Variants in RABGAP1L observed in about 807,000 individuals in gnomAD.
RABGAP1L encodes the protein RAB GTPase activating protein 1 like.
In RABGAP1L, 63 loss-of-function variants were observed where a neutral mutation model predicts 137.7. The ratio of observed to expected loss-of-function variants is 0.46; its 90% CI spans 0.37 to 0.56. RABGAP1L has a LOEUF of 0.56. RABGAP1L is among the 20% of genes least tolerant of loss of function. RABGAP1L has a pLI of 0.00. For missense variants in RABGAP1L, 1,095 were observed against 1,244.0 expected (o/e 0.88, Z 1.80); for synonymous variants, 431 against 433.7 (o/e 0.99, Z 0.08).
intron 12 of RABGAP1L, among the ~76,000 whole-genome samples, chr1:174,377,759 C>CT (rs1553287117): frequency 4.0e-4 from 57 of 141,842 alleles, no homozygotes; most frequent in Middle Eastern, 3.6e-3. Context: ...AACTGCAACT[C>CT]TTTTTTTTTT....
In RABGAP1L at chr1:174,781,071, T is replaced by C. The variant is rs943442066; in HGVS notation, c.2211+28717T>C. On this transcript the variant is annotated intron_variant, in intron 18 of 25. Coordinates refer to ENST00000681986, the MANE Select transcript of RABGAP1L (RefSeq NM_001366446.1). ...TTATAGCAGCATGATTTATATTCCTTTGGGTATATACCCAGTAATGGGATG... is the reference window on the plus strand; with the variant it reads ...TTATAGCAGCATGATTTATATTCCTCTGGGTATATACCCAGTAATGGGATG... 2.6e-4 allele frequency among the ~76,000 whole-genome samples: 39 copies of C among 152,170 alleles called. 2 individuals are homozygous for C. Among genetic ancestry groups the C allele is most frequent in the Non-Finnish European group, 1.0e-4 (7 of 68,042 alleles).
intron 13 of RABGAP1L, among the ~76,000 whole-genome samples, chr1:174,422,681 C>A (rs1056324816): frequency 6.6e-6 from 1 of 151,920 alleles, no homozygotes; most frequent in Non-Finnish European, 1.5e-5. Context: ...TAGCTGAGCA[C>A]GGTGGCCTGT....
intron 16 of RABGAP1L, chr1:174,700,720 A>G (rs1487777354): frequency 6.0e-6 from 1 of 167,028 alleles, no homozygotes; most frequent in East Asian, 1.7e-4. Flanking sequence ...GGCATTAAGG[A>G]GGAAAAAGAC....
intron 19 of RABGAP1L, among the ~76,000 whole-genome samples, chr1:174,865,536 T>C (rs78681312): frequency 0.023 from 3,554 of 152,188 alleles, 61 homozygotes; most frequent in Middle Eastern, 0.085. Flanking sequence ...TCCTAAGATA[T>C]CATTTTGTGT....
At position 174,599,053 on chromosome 1, in the gene RABGAP1L, C is replaced by G. The variant is rs972282865; in HGVS notation, c.1711-38322C>G. ...TTCTGTTGTTTTTGTGAAGGTTCTC[C>G]TCTCTGATGGTGTTTTAATTTCTTG... On this transcript the variant is annotated intron_variant, in intron 13 of 25. Transcript: ENST00000681986. 2.6e-5 allele frequency among the ~76,000 whole-genome samples: 4 copies of G among 151,892 alleles called. No individual in the cohort carries two copies. The South Asian group carries it at 8.4e-4, about 32-fold the overall frequency.
chr1:174,832,423 G>T lies in RABGAP1L; in HGVS notation c.2340+20463G>T, dbSNP rs1387011131. Among the ~76,000 whole-genome samples the T allele has an allele frequency of 2.0e-5, 3 of 148,350 alleles. 1 individual carries two copies. Among genetic ancestry groups the T allele is most frequent in the African/African-American group, 4.9e-5 (2 of 40,652 alleles). Reference sequence around the variant, plus strand: ...ACAAAACTTGCCTTTAATGCCTGGAGATACTTGCTGCTGTCAAAAGGTGCA... The same window carrying T: ...ACAAAACTTGCCTTTAATGCCTGGATATACTTGCTGCTGTCAAAAGGTGCA... On this transcript the variant is annotated intron_variant, in intron 19 of 25. Transcript: ENST00000681986.
chr1:174,223,126 G>A (rs1034363508), intron 3 of RABGAP1L, among the ~76,000 whole-genome samples: 1 of 151,820 alleles, frequency 6.6e-6, no homozygotes, highest in African/African-American at 2.4e-5. Flanking sequence ...AAATTAACTG[G>A]GTGTGGCAGC....
rs140634253 is a variant in RABGAP1L at position 174,910,649 on chromosome 1, T to G, written c.2341-46808T>G. 3.1e-4 allele frequency among the ~76,000 whole-genome samples: 47 copies of G among 152,308 alleles called. 1 individual carries two copies. In the East Asian group the frequency reaches 8.7e-3, roughly 28 times the overall value. On this transcript the variant is annotated intron_variant, in intron 19 of 25. Coordinates refer to ENST00000681986, the MANE Select transcript of RABGAP1L (RefSeq NM_001366446.1). ...TTGTTTGTAGATGACATGATCTTAC[T>G]CATAGAAAAACCTAAAGACACCACC...
intron 14 of RABGAP1L, among the ~76,000 whole-genome samples, chr1:174,640,766 C>T (rs1182291373): frequency 6.6e-6 from 1 of 151,690 alleles, no homozygotes; most frequent in Non-Finnish European, 1.5e-5. Context: ...TGTCTTATTG[C>T]ACTGACCACA....
At chr1:174,908,537 C>CTTTTTTTTTTTTTTTTTTTTTTTTTT (rs774387616) in intron 19 of RABGAP1L, among the ~76,000 whole-genome samples, 1 of 94,416 alleles carries the variant, frequency 1.1e-5, no homozygotes, top group African/African-American at 5.0e-5. Flanking sequence ...ACAACATATT[C>CTTTTTTTTTTTTTTTTTTTTTTTTTT]TTTTTTTTTT....
chr1:174,264,858 A>G (rs895582385), intron 7 of RABGAP1L, among the ~76,000 whole-genome samples: 2 of 152,148 alleles, frequency 1.3e-5, no homozygotes, highest in African/African-American at 2.4e-5. Context: ...AAAAGAAATG[A>G]CAATCGAGAG....
At chr1:174,649,744 A>G (rs544874594) in intron 14 of RABGAP1L, among the ~76,000 whole-genome samples, 3 of 152,256 alleles carry the variant, frequency 2.0e-5, no homozygotes, top group South Asian at 2.1e-4. Context: ...GGCTGAGACA[A>G]TGGGTTTTTC....
intron 13 of RABGAP1L, among the ~76,000 whole-genome samples, chr1:174,551,017 T>TATATATAC: frequency 8.8e-6 from 1 of 114,180 alleles, no homozygotes; most frequent in East Asian, 3.0e-4. Context: ...TATATATATA[T>TATATATAC]ATATACATAC....
intron 18 of RABGAP1L, among the ~76,000 whole-genome samples, chr1:174,775,592 C>T (rs576486716): frequency 1.2e-4 from 18 of 152,210 alleles, no homozygotes; most frequent in East Asian, 9.7e-4. Flanking sequence ...GGATTACAGA[C>T]GTGAGCCACT....
chr1:174,781,298 A>C (rs570584878), intron 18 of RABGAP1L, among the ~76,000 whole-genome samples: 7 of 152,070 alleles, frequency 4.6e-5, no homozygotes, highest in Non-Finnish European at 8.8e-5. Context: ...TGTGGTTTTG[A>C]TTTGTATTTC....
At chr1:174,936,887 T>A (rs1435406234) in intron 19 of RABGAP1L, among the ~76,000 whole-genome samples, 1 of 151,974 alleles carries the variant, frequency 6.6e-6, no homozygotes, top group Non-Finnish European at 1.5e-5. Flanking sequence ...TAAGTGACAT[T>A]TGAAAAAATT....
At chr1:174,444,802 T>C (rs1654556671) in intron 13 of RABGAP1L, among the ~76,000 whole-genome samples, 1 of 152,098 alleles carries the variant, frequency 6.6e-6, no homozygotes, top group African/African-American at 2.4e-5. Context: ...TCATCTTTGA[T>C]TTTATTTATT....
chr1:174,652,206 C>G (rs1675572074), intron 14 of RABGAP1L, among the ~76,000 whole-genome samples: 1 of 152,216 alleles, frequency 6.6e-6, no homozygotes, highest in African/African-American at 2.4e-5. Context: ...GAGAGATCCA[C>G]TGTTAGTCTG....
chr1:174,400,901 G>T (rs920845402), intron 13 of RABGAP1L, among the ~76,000 whole-genome samples: 3 of 152,060 alleles, frequency 2.0e-5, no homozygotes, highest in Admixed American at 6.6e-5. Context: ...ATATGGTCTT[G>T]TTGGTTTTAT....
Sources: allele counts gnomAD v4.1 joint callset (sites outside exome capture counted in the v4.1 genomes callset), GRCh38; gene constraint gnomAD v4.1.1; transcripts MANE v1.5; gene names NCBI Gene and HGNC (gene_info 2026-07-23, HGNC 2026-07-21).